WWTR1: variants seen among roughly 807,000 people sequenced by gnomAD.
The protein encoded by WWTR1 is WW domain-containing transcription regulator protein 1.
Under a neutral mutation model 40.1 loss-of-function variants are expected in WWTR1, and 13 were observed. The ratio of observed to expected loss-of-function variants is 0.32; its 90% confidence interval spans 0.21 to 0.52. The LOEUF is 0.52. Among genes scored for constraint, WWTR1 ranks in the 20% least tolerant of loss-of-function variants. WWTR1 has a pLI of 0.97. For missense variants in WWTR1, 436 were observed against 523.1 expected, an observed-to-expected ratio of 0.83 and a Z score of 1.63; for synonymous variants, 230 against 210.1, an observed-to-expected ratio of 1.09 and a Z score of -0.82.
intron 3 of WWTR1, among the ~76,000 whole-genome samples, chr3:149,568,967 C>T (rs1737491322): frequency 6.6e-6 from 1 of 152,150 alleles, no homozygotes; most frequent in African/African-American, 2.4e-5. Flanking sequence ...GGGGTTTCAC[C>T]GTGTTAGCCA....
intron 2 of WWTR1, among the ~76,000 whole-genome samples, chr3:149,655,455 A>T (rs894659652): frequency 6.7e-6 from 1 of 148,160 alleles, no homozygotes; most frequent in African/African-American, 2.6e-5. Flanking sequence ...AAAAACAAAA[A>T]CAAACAACAA....
At chr3:149,526,190 C>CCTGGAA in intron 5 of WWTR1, 65 bp from the exon 6 acceptor site, 1 of 1,298,884 alleles carries the variant, frequency 7.7e-7, no homozygotes, top group Non-Finnish European at 1.1e-6. Flanking sequence ...AATTAAAACA[C>CCTGGAA]AGTCACAAAA....
intron 2 of WWTR1, among the ~76,000 whole-genome samples, chr3:149,587,314 AT>A (rs886218375): frequency 6.0e-5 from 9 of 149,934 alleles, no homozygotes; most frequent in African/African-American, 7.3e-5. Flanking sequence ...AAAAAGTTTG[AT>A]TTTTTTTTTC....
intron 2 of WWTR1, among the ~76,000 whole-genome samples, chr3:149,580,675 G>A (rs1738107337): frequency 1.3e-5 from 2 of 152,272 alleles, no homozygotes; most frequent in South Asian, 4.1e-4. Flanking sequence ...GTGCAATGGT[G>A]CGATCTCAGC....
rs185581096 is a variant in WWTR1, at chr3:149,537,295, T to C, written c.771+5040A>G. ...CATACAAAGTCACAGCACAACTTCA[T>C]GGCTGACACAGAATAAAAAAATGAC... On this transcript the variant is annotated intron_variant, in intron 4 of 6. Coordinates refer to ENST00000360632, the MANE Select transcript of WWTR1 (RefSeq NM_015472.6). 1.3e-4 allele frequency among the ~76,000 whole-genome samples: 20 copies of C among 152,264 alleles called. No individual in the cohort carries two copies. The East Asian group carries it at 1.5e-3, about 12-fold the overall frequency.
At chr3:149,546,981 A>G (rs1357099000) in intron 3 of WWTR1, among the ~76,000 whole-genome samples, 1 of 152,112 alleles carries the variant, frequency 6.6e-6, no homozygotes, top group African/African-American at 2.4e-5. Flanking sequence ...TGCTCCCTCT[A>G]GTTGTTTAAT....
intron 2 of WWTR1, among the ~76,000 whole-genome samples, chr3:149,574,904 G>A (rs922564741): frequency 1.3e-5 from 2 of 151,930 alleles, no homozygotes; most frequent in Admixed American, 1.3e-4. Flanking sequence ...AGACCAGCCT[G>A]GCCAACATGG....
upstream of WWTR1, chr3:149,659,525 G>C (rs1475378123): frequency 6.6e-6 from 1 of 151,800 alleles, no homozygotes; most frequent in Non-Finnish European, 1.5e-5. Flanking sequence ...AAGCAAAAAT[G>C]GGGTTTCACC....
At chr3:149,595,829 C>T (rs1182199931) in intron 2 of WWTR1, among the ~76,000 whole-genome samples, 3 of 152,080 alleles carry the variant, frequency 2.0e-5, no homozygotes, top group Non-Finnish European at 4.4e-5. Flanking sequence ...GTCAGGAGCT[C>T]GAGACCAGCC....
chr3:149,566,043 A>C (rs773413522), intron 3 of WWTR1, among the ~76,000 whole-genome samples: 4 of 151,086 alleles, frequency 2.6e-5, no homozygotes, highest in Admixed American at 6.6e-5. Context: ...AAAATCTAAG[A>C]AAATTGAGGG....
chr3:149,677,873 C>T (rs1385988396), intron 1 of WWTR1, among the ~76,000 whole-genome samples: 1 of 152,102 alleles, frequency 6.6e-6, no homozygotes, highest in Non-Finnish European at 1.5e-5. Context: ...AAGCAATTCT[C>T]CTGCCTCAGC....
intron 2 of WWTR1, among the ~76,000 whole-genome samples, chr3:149,596,937 A>G (rs536588375): frequency 4.9e-4 from 75 of 152,316 alleles, no homozygotes; most frequent in African/African-American, 1.8e-3. Context: ...ACCAATATCT[A>G]TGACACACAA....
At chr3:149,603,471 A>G (rs1009980314) in intron 2 of WWTR1, among the ~76,000 whole-genome samples, 1 of 151,900 alleles carries the variant, frequency 6.6e-6, no homozygotes, top group African/African-American at 2.4e-5. Flanking sequence ...ACACTGCTTT[A>G]TGATTTCTTT....
rs564560836 is a variant in WWTR1, at chr3:149,712,219, G to C, written n.584+5223C>G. ...GTGGGAGGATTGAGGCCAGGAGTTCGAGGCTGTAGTACACTATGACCACAC... is the reference window on the plus strand; with the variant it reads ...GTGGGAGGATTGAGGCCAGGAGTTCCAGGCTGTAGTACACTATGACCACAC... On this transcript the variant is annotated intron_variant and non_coding_transcript_variant, in intron 5 of 6. Coordinates refer to the WWTR1 transcript ENST00000474080. 3.3e-3 allele frequency among the ~76,000 whole-genome samples: 495 copies of C among 152,238 alleles called. 3 individuals are homozygous for C. The highest frequency in any genetic ancestry group is 0.012 in the African/African-American group (481 of 41,526).
chr3:149,584,837 A>G (rs982583367), intron 2 of WWTR1, among the ~76,000 whole-genome samples: 3 of 152,224 alleles, frequency 2.0e-5, no homozygotes. Flanking sequence ...TAAAATGGGC[A>G]TAAGAACATC....
chr3:149,709,597 G>A (rs1715428609), intron 5 of WWTR1, among the ~76,000 whole-genome samples: 1 of 151,922 alleles, frequency 6.6e-6, no homozygotes, highest in Non-Finnish European at 1.5e-5. Flanking sequence ...GATACACAGT[G>A]GACTCACTCA....
chr3:149,686,278 A>G (rs1462431436), intron 1 of WWTR1, among the ~76,000 whole-genome samples: 3 of 152,188 alleles, frequency 2.0e-5, no homozygotes, highest in Admixed American at 6.5e-5. Context: ...ACAACATAGT[A>G]GCCCTATTTC....
intron 3 of WWTR1, among the ~76,000 whole-genome samples, chr3:149,568,344 G>C (rs1383248213): frequency 6.7e-6 from 1 of 149,226 alleles, no homozygotes; most frequent in Non-Finnish European, 1.5e-5. Flanking sequence ...CAAGTCTAAA[G>C]TCCCCCAAGG....
chr3:149,586,526 C>T (rs1387460088), intron 2 of WWTR1, among the ~76,000 whole-genome samples: 1 of 152,120 alleles, frequency 6.6e-6, no homozygotes, highest in East Asian at 1.9e-4. Flanking sequence ...TCCTATAACC[C>T]TTGTAGATAG....
Sources: gnomAD v4.1 joint callset for allele counts (sites outside exome capture counted in the v4.1 genomes callset) on GRCh38, gnomAD v4.1.1 for gene constraint, MANE v1.5 for transcripts, NCBI Gene and HGNC (gene_info 2026-07-23, HGNC 2026-07-21) for gene names.